UBE2E2: variants seen among roughly 807,000 people sequenced by gnomAD.
UBE2E2 encodes the protein ubiquitin conjugating enzyme E2 E2.
A neutral mutation model predicts 24.7 loss-of-function variants in UBE2E2; 6 were observed. The ratio of observed to expected loss-of-function variants is 0.24; its 90% CI spans 0.13 to 0.48. The LOEUF (loss-of-function observed/expected upper bound fraction) is 0.48. UBE2E2 is among the 20% of genes least tolerant of loss of function. UBE2E2 has a pLI of 0.99. For synonymous variants in UBE2E2, 104 were observed against 83.6 expected (o/e 1.24, Z -1.33); for missense variants, 169 against 245.0 (o/e 0.69, Z 2.07).
At chr3:23,394,608 A>AG (rs1697030831) in intron 3 of UBE2E2, among the ~76,000 whole-genome samples, 1 of 152,186 alleles carries the variant, frequency 6.6e-6, no homozygotes, top group South Asian at 2.1e-4. Context: ...GTACAGAGGG[A>AG]GAGACTCAAC....
At chr3:23,332,706 T>C (rs1695095695) in intron 3 of UBE2E2, among the ~76,000 whole-genome samples, 1 of 150,876 alleles carries the variant, frequency 6.6e-6, no homozygotes, top group Non-Finnish European at 1.5e-5. Flanking sequence ...TGTGTGTGTG[T>C]GTGTGTGTGT....
chr3:23,222,396 C>T (rs1486314396), intron 3 of UBE2E2, among the ~76,000 whole-genome samples: 1 of 152,158 alleles, frequency 6.6e-6, no homozygotes, highest in East Asian at 1.9e-4. Context: ...ACCCAAATCT[C>T]ATCTTGAATT....
intron 3 of UBE2E2, among the ~76,000 whole-genome samples, chr3:23,392,822 G>A (rs1337999293): frequency 6.6e-6 from 1 of 152,124 alleles, no homozygotes; most frequent in Admixed American, 6.5e-5. Context: ...TATGATATGG[G>A]TCTGAGAAGT....
intron 3 of UBE2E2, among the ~76,000 whole-genome samples, chr3:23,335,489 G>A (rs1163184729): frequency 1.3e-5 from 2 of 152,088 alleles, no homozygotes; most frequent in East Asian, 1.9e-4. Flanking sequence ...CTATATTAAT[G>A]CATCTTGAAT....
chr3:23,572,693 T>G (rs1177924016), intron 5 of UBE2E2, among the ~76,000 whole-genome samples: 1 of 152,204 alleles, frequency 6.6e-6, no homozygotes, highest in Non-Finnish European at 1.5e-5. Context: ...GCTGCATCCA[T>G]GTTGCTGCAA....
At position 23,341,710 on chromosome 3, in the gene UBE2E2, C is replaced by CT. The variant is rs765024492; in HGVS notation, c.227+124408dup. ...TTTCTTTCACTTCCTTCTTCTCGTT[C>CT]TTTTTTTTTTCTAAAAATACTTTAG... On this transcript the variant is annotated intron_variant, in intron 3 of 5. Transcript: ENST00000396703. Among the ~76,000 whole-genome samples, 780 of 149,478 alleles carry CT rather than the reference C, an allele frequency of 5.2e-3. 14 individuals are homozygous for CT. Among genetic ancestry groups the CT allele is most frequent in the Admixed American group, 0.041 (608 of 14,994 alleles).
In UBE2E2 at chr3:23,520,126, TA is replaced by T. The variant is rs5847237; in HGVS notation, c.361-12418del. 8.8e-4 allele frequency among the ~76,000 whole-genome samples: 131 copies of T among 149,596 alleles called. 1 individual carries two copies. The highest frequency in any genetic ancestry group is 1.9e-3 in the African/African-American group (79 of 40,864). On this transcript the variant is annotated intron_variant, in intron 4 of 5. Coordinates refer to ENST00000396703, the MANE Select transcript of UBE2E2 (RefSeq NM_152653.4). ...ATTTTTTTCTGTCATTTTCTTTAATTAAAAAAAAAACTTTGAGGGTGTGGGG... is the reference window on the plus strand; with the variant it reads ...ATTTTTTTCTGTCATTTTCTTTAATTAAAAAAAAACTTTGAGGGTGTGGGG...
At chr3:23,338,682 T>C (rs1695284074) in intron 3 of UBE2E2, among the ~76,000 whole-genome samples, 1 of 152,150 alleles carries the variant, frequency 6.6e-6, no homozygotes, top group Non-Finnish European at 1.5e-5. Context: ...AAAGAATGTA[T>C]GAGCCAACTC....
intron 3 of UBE2E2, among the ~76,000 whole-genome samples, chr3:23,466,330 A>C (rs1036674769): frequency 5.1e-4 from 78 of 152,242 alleles, no homozygotes; most frequent in Admixed American, 3.9e-4. Flanking sequence ...GTGGCCTGAA[A>C]TACGCATGAT....
chr3:23,340,556 T>G (rs1174993910), intron 3 of UBE2E2, among the ~76,000 whole-genome samples: 7 of 152,130 alleles, frequency 4.6e-5, no homozygotes, highest in Non-Finnish European at 1.0e-4. Flanking sequence ...AACAGAGACA[T>G]TCTAAAAAGA....
At chr3:23,289,822 C>T (rs1314862446) in intron 3 of UBE2E2, among the ~76,000 whole-genome samples, 4 of 152,134 alleles carry the variant, frequency 2.6e-5, no homozygotes, top group South Asian at 2.1e-4. Flanking sequence ...TTTTCATAAT[C>T]GAGTTGTGGT....
At chr3:23,586,488 G>C (rs1315198422) in intron 5 of UBE2E2, among the ~76,000 whole-genome samples, 1 of 151,956 alleles carries the variant, frequency 6.6e-6, no homozygotes, top group Non-Finnish European at 1.5e-5. Context: ...GTGGAGTTGG[G>C]GGTCTCAGTG....
chr3:23,290,201 G>C (rs1336596274), intron 3 of UBE2E2, among the ~76,000 whole-genome samples: 1 of 152,214 alleles, frequency 6.6e-6, no homozygotes, highest in Non-Finnish European at 1.5e-5. Flanking sequence ...GTAACTATGA[G>C]GTAGCAGCTT....
At chr3:23,351,103 T>A (rs1330442008) in intron 3 of UBE2E2, among the ~76,000 whole-genome samples, 3 of 152,200 alleles carry the variant, frequency 2.0e-5, no homozygotes, top group Non-Finnish European at 4.4e-5. Context: ...AAGAAATGAA[T>A]TTTCAGCCCA....
chr3:23,227,888 T>C (rs536521811), intron 3 of UBE2E2, among the ~76,000 whole-genome samples: 2 of 152,316 alleles, frequency 1.3e-5, no homozygotes, highest in Middle Eastern at 6.8e-3. Flanking sequence ...TTATAATTTT[T>C]AAGATGAGCT....
At chr3:23,267,579 A>G (rs1265738314) in intron 3 of UBE2E2, among the ~76,000 whole-genome samples, 6 of 151,974 alleles carry the variant, frequency 3.9e-5, no homozygotes, top group African/African-American at 1.4e-4. Flanking sequence ...TACCAACCAA[A>G]AAGAGTCCAG....
At chr3:23,552,448 A>G (rs1695668052) in intron 5 of UBE2E2, among the ~76,000 whole-genome samples, 1 of 152,152 alleles carries the variant, frequency 6.6e-6, no homozygotes, top group South Asian at 2.1e-4. Flanking sequence ...TCTGGATTTC[A>G]TGATAAGCGC....
At chr3:23,266,551 C>T (rs1698055171) in intron 3 of UBE2E2, among the ~76,000 whole-genome samples, 1 of 152,058 alleles carries the variant, frequency 6.6e-6, no homozygotes, top group South Asian at 2.1e-4. Context: ...GTAACCTGAC[C>T]TTTCTCTCTG....
chr3:23,347,000 A>G (rs1695574839), intron 3 of UBE2E2, among the ~76,000 whole-genome samples: 2 of 152,182 alleles, frequency 1.3e-5, no homozygotes, highest in Admixed American at 6.5e-5. Flanking sequence ...TTAGGGTGAT[A>G]TACTATCTTC....
Sources: gnomAD v4.1 joint callset for allele counts (sites outside exome capture counted in the v4.1 genomes callset) on GRCh38, gnomAD v4.1.1 for gene constraint, MANE v1.5 for transcripts, NCBI Gene and HGNC (gene_info 2026-07-23, HGNC 2026-07-21) for gene names.